The following IQCH variants were observed in gnomAD, a reference collection of about 807,000 sequenced individuals.
IQCH encodes IQ motif containing H.
IQCH carries 98 observed loss-of-function variants against 117.0 expected under a neutral mutation model. The observed-to-expected ratio is 0.84, with a 90% CI of 0.71 to 0.99. IQCH has a LOEUF of 0.99. IQCH is among the 50% of genes least tolerant of loss of function. The pLI is 0.00. For synonymous variants in IQCH, 412 were observed against 448.2 expected, an observed-to-expected ratio of 0.92 and a Z score of 1.02; for missense variants, 1,102 against 1,243.8, an observed-to-expected ratio of 0.89 and a Z score of 1.72.
At position 67,385,105 on chromosome 15, in the gene IQCH, TTTG is replaced by T; in HGVS notation, c.1456+87_1456+89del. 1 of 844,990 alleles carries T rather than the reference TTTG, an allele frequency of 1.2e-6. No homozygotes were observed. Among genetic ancestry groups the T allele is most frequent in the Non-Finnish European group, 1.9e-6 (1 of 527,724 alleles). The allele number at this position is 844,990 out of a possible 1,614,324, so 52.3% of individuals were successfully genotyped here. ...AATGTGTTGTTTTGTTTGTTTGTTT[TTTG>T]CTTATTTTTTTCCTCTACAAGGAAA... On this transcript the variant is annotated intron_variant, in intron 11 of 20. Transcript: ENST00000335894. This position sits in a 1 kb window ranked among gnomAD's most constrained non-coding sequence, Gnocchi z 4.6.
chr15:67,484,804 A>G (rs1406285774), intron 18 of IQCH, among the ~76,000 whole-genome samples: 1 of 151,946 alleles, frequency 6.6e-6, no homozygotes, highest in African/African-American at 2.4e-5. Flanking sequence ...AGCTGTCAGT[A>G]CTCTACTGGT....
intron 14 of IQCH, among the ~76,000 whole-genome samples, chr15:67,414,033 C>T (rs2081514042): frequency 6.6e-6 from 1 of 152,344 alleles, no homozygotes; most frequent in South Asian, 2.1e-4. Flanking sequence ...GGTGACACTT[C>T]ATAAATGTGA....
rs893714337 is a variant in IQCH, at chr15:67,376,685, A to AT, written c.1372+3256dup. Among the ~76,000 whole-genome samples, 11 of 152,344 alleles carry AT rather than the reference A, an allele frequency of 7.2e-5. No individual in the cohort carries two copies. The highest frequency in any genetic ancestry group is 1.9e-4 in the African/African-American group (8 of 41,590). On this transcript the variant is annotated intron_variant, in intron 10 of 20. Transcript: ENST00000335894. This position sits in a 1 kb window ranked among gnomAD's most constrained non-coding sequence, Gnocchi z 5.0. ...GTTTTGCACACATGGGAATAATTGC[A>AT]TTTTCCAAACTGGTGATCACAGAAA...
chr15:67,439,094 G>A (rs2082204301), intron 16 of IQCH, among the ~76,000 whole-genome samples: 1 of 152,094 alleles, frequency 6.6e-6, no homozygotes, highest in Admixed American at 6.5e-5. Context: ...TCCAACAACT[G>A]CAGAATACAC....
chr15:67,365,153 C>G lies in IQCH; in HGVS notation c.753+5268C>G, dbSNP rs564949593. ...TCGAGATGGGGTTTTACCATGTTGC[C>G]CAGGCTGGTCTGGAACTCGTGGACT... On this transcript the variant is annotated intron_variant, in intron 8 of 20. Transcript: ENST00000335894. The surrounding 1 kb of genome is among the most constrained non-coding windows in gnomAD (Gnocchi z 4.4). 5.9e-5 allele frequency among the ~76,000 whole-genome samples: 9 copies of G among 152,190 alleles called. 1 individual carries two copies. In the South Asian group the frequency reaches 1.9e-3, roughly 32 times the overall value.
At chr15:67,361,948 T>C (rs921369284) in intron 8 of IQCH, among the ~76,000 whole-genome samples, 4 of 152,182 alleles carry the variant, frequency 2.6e-5, no homozygotes, top group Non-Finnish European at 4.4e-5. Flanking sequence ...ATTCACTCAA[T>C]TTTAATTAAT....
intron 5 of IQCH, among the ~76,000 whole-genome samples, chr15:67,337,721 C>A (rs1472246621): frequency 6.6e-6 from 1 of 152,218 alleles, no homozygotes; most frequent in African/African-American, 2.4e-5. Context: ...ACCATCTCTA[C>A]TGTTCCCTGC....
intron 1 of IQCH, among the ~76,000 whole-genome samples, chr15:67,256,434 C>T (rs972947482): frequency 6.6e-6 from 1 of 152,170 alleles, no homozygotes; most frequent in Admixed American, 6.5e-5. Flanking sequence ...TAGTTTCCCG[C>T]TGCTCCAGAG....
intron 2 of IQCH, among the ~76,000 whole-genome samples, chr15:67,262,807 C>G (rs1965513341): frequency 6.6e-6 from 1 of 152,148 alleles, no homozygotes; most frequent in African/African-American, 2.4e-5. Flanking sequence ...ATTGCTTAAG[C>G]CTTGGAGGCT....
rs554528339 is a variant in IQCH, at chr15:67,433,585, T to G, written c.2505+12008T>G. 6.6e-6 allele frequency among the ~76,000 whole-genome samples: 1 copy of G among 152,286 alleles called. No individual in the cohort carries two copies. Among genetic ancestry groups the G allele is most frequent in the African/African-American group, 2.4e-5 (1 of 41,548 alleles). ...AAGATGCCCATTCTCATCATGGAGC[T>G]CTTTGCTTCCTTTCAAATGAAACCA... On this transcript the variant is annotated intron_variant, in intron 16 of 20. Transcript: ENST00000335894. The surrounding 1 kb of genome is among the most constrained non-coding windows in gnomAD (Gnocchi z 5.4).
At chr15:67,264,235 A>G (rs1965575231) in intron 3 of IQCH, among the ~76,000 whole-genome samples, 2 of 152,220 alleles carry the variant, frequency 1.3e-5, no homozygotes, top group Non-Finnish European at 1.5e-5. Context: ...TCATCTTTGT[A>G]TTCAACACAG....
chr15:67,331,517 CTT>C (rs1278256138), intron 4 of IQCH, among the ~76,000 whole-genome samples: 1 of 152,002 alleles, frequency 6.6e-6, no homozygotes, highest in Non-Finnish European at 1.5e-5. Context: ...AGAGAAAAGA[CTT>C]TAAGTACAGT....
chr15:67,465,413 C>G lies in IQCH; in HGVS notation c.2676+116C>G. 1 of 1,114,982 alleles carries G rather than the reference C, an allele frequency of 9.0e-7. No homozygotes were observed. The highest frequency in any genetic ancestry group is 1.3e-6 in the Non-Finnish European group (1 of 783,072). The allele number at this position is 1,114,982 out of a possible 1,614,324, so 69.1% of individuals were successfully genotyped here. On this transcript the variant is annotated intron_variant, in intron 17 of 20. Transcript: ENST00000335894. The surrounding 1 kb of genome is among the most constrained non-coding windows in gnomAD (Gnocchi z 5.9). ...TACAGGAAGAAGAAAGAGCCTAAGG[C>G]AAGTCATTGGACTTGTCTGAGCAGG...
Position 67,475,961 on chromosome 15 carries a change from G to A in IQCH, c.2799+143G>A. 1 of 711,108 alleles carries A rather than the reference G, an allele frequency of 1.4e-6. No homozygotes were observed. Among genetic ancestry groups the A allele is most frequent in the Admixed American group, 2.8e-5 (1 of 35,120 alleles). The allele number at this position is 711,108 out of a possible 1,614,324, so 44.0% of individuals were successfully genotyped here. On this transcript the variant is annotated intron_variant, in intron 18 of 20. Coordinates refer to ENST00000335894, the MANE Select transcript of IQCH (RefSeq NM_001031715.3). This position sits in a 1 kb window ranked among gnomAD's most constrained non-coding sequence, Gnocchi z 5.7. ...TGTAGAGGAAGGCTGATTGCTGCTT[G>A]GGGAAGAGCAGATACGCAACTCCAC...
At chr15:67,354,388 A>G (rs1160183235) in intron 6 of IQCH, among the ~76,000 whole-genome samples, 2 of 152,196 alleles carry the variant, frequency 1.3e-5, no homozygotes, top group African/African-American at 2.4e-5. Context: ...ATTCAATACT[A>G]TTCAACATTA....
chr15:67,499,374 A>T (rs1781973452), intron 20 of IQCH, among the ~76,000 whole-genome samples: 1 of 148,466 alleles, frequency 6.7e-6, no homozygotes, highest in Non-Finnish European at 1.5e-5. Context: ...ATCATAAGTT[A>T]TTAGGGAAAT....
Position 67,476,352 on chromosome 15 carries a change from A to G in IQCH, c.2799+534A>G, listed in dbSNP as rs535029857. Among the ~76,000 whole-genome samples the G allele has an allele frequency of 3.9e-4, 59 of 152,298 alleles. No homozygotes were observed. The highest frequency in any genetic ancestry group is 1.6e-3 in the Admixed American group (25 of 15,300). ...GGCTGCCTCCTTGCGGTGTCCTCAC[A>G]TATGGAAGGAGAGAGAGAGAGATCT... On this transcript the variant is annotated intron_variant, in intron 18 of 20. Transcript: ENST00000335894. The surrounding 1 kb of genome is among the most constrained non-coding windows in gnomAD (Gnocchi z 4.1).
At position 67,425,950 on chromosome 15, in the gene IQCH, T is replaced by A. The variant is rs368523416; in HGVS notation, c.2505+4373T>A. Among the ~76,000 whole-genome samples, 1 of 152,212 alleles carries A rather than the reference T, an allele frequency of 6.6e-6. No homozygotes were observed. Among genetic ancestry groups the A allele is most frequent in the Non-Finnish European group, 1.5e-5 (1 of 68,040 alleles). On this transcript the variant is annotated intron_variant, in intron 16 of 20. Transcript: ENST00000335894. The surrounding 1 kb of genome is among the most constrained non-coding windows in gnomAD (Gnocchi z 5.5). ...ATGGGTTGTATTTTGATACTTTCAT[T>A]GTTTTGATGCTCAGTTGTTCCAGAT... is the stretch of plus-strand genomic sequence containing the variant.
In IQCH at chr15:67,266,663, T is replaced by C. The variant is rs148272633; in HGVS notation, c.269+3447T>C. Among the ~76,000 whole-genome samples, 467 of 152,194 alleles carry C rather than the reference T, an allele frequency of 3.1e-3. 6 individuals carry two copies. Among genetic ancestry groups the C allele is most frequent in the African/African-American group, 0.011 (447 of 41,524 alleles). On this transcript the variant is annotated intron_variant, in intron 3 of 20. Transcript: ENST00000335894. Reference sequence around the variant, plus strand: ...CAGAGCGAGACTCCGTCTAAAAAAATAAATAAATAAAAAAGACATCATACT... The same window carrying C: ...CAGAGCGAGACTCCGTCTAAAAAAACAAATAAATAAAAAAGACATCATACT...
Sources: gnomAD v4.1 joint callset for allele counts (sites outside exome capture counted in the v4.1 genomes callset) on GRCh38, gnomAD v4.1.1 for gene constraint, Gnocchi (gnomAD v3.1) non-coding constraint, MANE v1.5 for transcripts, NCBI Gene and HGNC (gene_info 2026-07-23, HGNC 2026-07-21) for gene names.